Variants in ADAM22 observed in about 807,000 individuals in gnomAD.
ADAM22 encodes disintegrin and metalloproteinase domain-containing protein 22.
ADAM22 carries 65 observed loss-of-function variants against 144.6 expected under a neutral mutation model. The observed-to-expected ratio is 0.45, with a 90% CI of 0.37 to 0.55. ADAM22 has a LOEUF of 0.55. Ranked by LOEUF, ADAM22 falls within the 20% of genes least tolerant of loss-of-function variation. The pLI is 0.00. For missense variants in ADAM22, 974 were observed against 1,184.9 expected, an observed-to-expected ratio of 0.82 and a Z score of 2.61; for synonymous variants, 391 against 412.6, an observed-to-expected ratio of 0.95 and a Z score of 0.63.
chr7:88,106,034 T>TG (rs1442372610), intron 4 of ADAM22, among the ~76,000 whole-genome samples: 1 of 152,132 alleles, frequency 6.6e-6, no homozygotes, highest in Non-Finnish European at 1.5e-5. Context: ...TGTAATTTGT[T>TG]TAAGATTACA....
intron 3 of ADAM22, among the ~76,000 whole-genome samples, chr7:88,064,378 A>G (rs370036079): frequency 2.0e-5 from 3 of 152,206 alleles, no homozygotes; most frequent in East Asian, 3.8e-4. Flanking sequence ...TACTAACCGC[A>G]TACCCTTGAG....
chr7:88,017,803 G>GTA (rs1032921669), intron 3 of ADAM22, among the ~76,000 whole-genome samples: 1 of 151,354 alleles, frequency 6.6e-6, no homozygotes. Flanking sequence ...ATATGTGTGT[G>GTA]TATATATATG....
chr7:88,065,874 A>G (rs1811114591), intron 3 of ADAM22, among the ~76,000 whole-genome samples: 1 of 152,082 alleles, frequency 6.6e-6, no homozygotes, highest in South Asian at 2.1e-4. Context: ...GTATTGTCAA[A>G]TTTCCCTCCA....
At chr7:87,938,450 C>T (rs1252490663) in intron 2 of ADAM22, among the ~76,000 whole-genome samples, 1 of 151,586 alleles carries the variant, frequency 6.6e-6, no homozygotes, top group East Asian at 1.9e-4. Context: ...AACTCCTGAC[C>T]TCAAGTGATC....
intron 3 of ADAM22, among the ~76,000 whole-genome samples, chr7:88,017,887 TA>T (rs918624972): frequency 5.3e-4 from 81 of 151,498 alleles, no homozygotes; most frequent in South Asian, 2.9e-3. Flanking sequence ...TCACAAAGAA[TA>T]AAAAAAAATT....
intron 7 of ADAM22, among the ~76,000 whole-genome samples, chr7:88,122,639 C>G (rs978971182): frequency 6.6e-6 from 1 of 152,144 alleles, no homozygotes; most frequent in South Asian, 2.1e-4. Flanking sequence ...GGTGTAATTT[C>G]TCTTAGTCCT....
intron 24 of ADAM22, among the ~76,000 whole-genome samples, chr7:88,166,856 TAAAC>T (rs1382714008): frequency 6.6e-6 from 1 of 152,070 alleles, no homozygotes; most frequent in Non-Finnish European, 1.5e-5. Flanking sequence ...TACTTAGAAA[TAAAC>T]AAGACTAACA....
At chr7:88,012,974 G>C (rs1264455681) in intron 3 of ADAM22, among the ~76,000 whole-genome samples, 1 of 152,134 alleles carries the variant, frequency 6.6e-6, no homozygotes, top group Non-Finnish European at 1.5e-5. Flanking sequence ...TTTCCCTCTA[G>C]AGCCAAGGAC....
chr7:88,113,687 T>TATAAATAAATAA lies in ADAM22; in HGVS notation c.474-889_474-878dup, dbSNP rs1219225144. On this transcript the variant is annotated intron_variant, in intron 5 of 31. Coordinates refer to ENST00000413139, the MANE Select transcript of ADAM22 (RefSeq NM_001324418.2). ...GTATATATATATATAATATATATAT[T>TATAAATAAATAA]ATAAATAAATAAATAAATATATATA... Among the ~76,000 whole-genome samples the TATAAATAAATAA allele has an allele frequency of 2.0e-3, 141 of 68,998 alleles. 6 individuals are homozygous for TATAAATAAATAA. In the East Asian group the frequency reaches 0.021, roughly 10 times the overall value. 45.3% of individuals were successfully genotyped at this position (68,998 alleles called of 152,430 possible). A position where few individuals can be genotyped will look rare whatever the true frequency, so the allele number is the denominator to read the frequency against.
intron 2 of ADAM22, among the ~76,000 whole-genome samples, chr7:87,948,140 T>C (rs985002965): frequency 6.6e-6 from 1 of 152,186 alleles, no homozygotes; most frequent in Non-Finnish European, 1.5e-5. Flanking sequence ...TGCTCTTTTC[T>C]CATTCGGTAT....
chr7:88,155,525 G>GAAAAAAAAA (rs797005307), intron 21 of ADAM22, among the ~76,000 whole-genome samples: 2 of 68,554 alleles, frequency 2.9e-5, no homozygotes, highest in Admixed American at 1.5e-4. Flanking sequence ...CTGACTCTAA[G>GAAAAAAAAA]AAAAAAAAAA....
intron 4 of ADAM22, among the ~76,000 whole-genome samples, chr7:88,082,821 TAAA>T (rs1206303491): frequency 3.9e-5 from 6 of 151,916 alleles, no homozygotes; most frequent in Admixed American, 3.3e-4. Flanking sequence ...TGGCGATCAT[TAAA>T]AAGTCAGGAA....
intron 3 of ADAM22, among the ~76,000 whole-genome samples, chr7:88,031,620 T>G (rs182262346): frequency 4.6e-5 from 7 of 152,360 alleles, no homozygotes; most frequent in African/African-American, 1.4e-4. Context: ...CTTCTTACCA[T>G]GTATGCTCAG....
chr7:88,132,221 G>A (rs1831995341), intron 11 of ADAM22: 2 of 151,086 alleles, frequency 1.3e-5, no homozygotes, highest in African/African-American at 2.4e-5. Context: ...TTATTAAATA[G>A]TATATATTCT....
intron 2 of ADAM22, among the ~76,000 whole-genome samples, chr7:87,948,995 T>A (rs1844384073): frequency 6.6e-6 from 1 of 152,222 alleles, no homozygotes; most frequent in Non-Finnish European, 1.5e-5. Flanking sequence ...TTGTTAGTGA[T>A]TGTATGTACT....
intron 2 of ADAM22, among the ~76,000 whole-genome samples, chr7:87,973,136 C>T (rs1850906550): frequency 6.6e-6 from 1 of 152,148 alleles, no homozygotes; most frequent in Non-Finnish European, 1.5e-5. Flanking sequence ...AAAGAAACCA[C>T]CATCAGAGTG....
intron 3 of ADAM22, among the ~76,000 whole-genome samples, chr7:88,071,391 A>ATTTTTTTTTTTTTTT (rs71297113): frequency 1.6e-5 from 2 of 126,058 alleles, no homozygotes; most frequent in African/African-American, 6.0e-5. Flanking sequence ...TTATGAAGTG[A>ATTTTTTTTTTTTTTT]TTTTTTTTTT....
intron 10 of ADAM22, among the ~76,000 whole-genome samples, 190 bp downstream of exon 10, chr7:88,130,649 G>A (rs373508265): frequency 6.6e-6 from 1 of 152,102 alleles, no homozygotes; most frequent in East Asian, 1.9e-4. Context: ...GGAACTGGTC[G>A]AAGTTATCCA....
chr7:88,072,293 G>A (rs1312897509), intron 3 of ADAM22, among the ~76,000 whole-genome samples: 1 of 152,132 alleles, frequency 6.6e-6, no homozygotes, highest in Non-Finnish European at 1.5e-5. Flanking sequence ...TTCGTGCAGT[G>A]ACTCATATTC....
Sources: gnomAD v4.1 joint callset for allele counts (sites outside exome capture counted in the v4.1 genomes callset) on GRCh38, gnomAD v4.1.1 for gene constraint, MANE v1.5 for transcripts, NCBI Gene and HGNC (gene_info 2026-07-23, HGNC 2026-07-21) for gene names.